PKD1L1: variants seen among roughly 807,000 people sequenced by gnomAD.
PKD1L1 encodes polycystin-1-like protein 1.
In PKD1L1, 236 loss-of-function variants were observed where a neutral mutation model predicts 323.4. That is an observed-to-expected ratio of 0.73 (90% CI 0.66 to 0.81). The LOEUF (loss-of-function observed/expected upper bound fraction) is 0.81, where lower values mean the gene tolerates loss of function less well. PKD1L1 is among the 40% of genes least tolerant of loss of function. The probability of loss-of-function intolerance (pLI) is 0.00; values close to 1 mark genes in which losing one functional copy is unlikely to be tolerated. For missense variants in PKD1L1, 3,320 were observed against 3,508.0 expected, an observed-to-expected ratio of 0.95 and a Z score of 1.35; for synonymous variants, 1,344 against 1,335.0, an observed-to-expected ratio of 1.01 and a Z score of -0.15.
intron 17 of PKD1L1, among the ~76,000 whole-genome samples, chr7:47,887,395 C>T (rs1305445420): frequency 2.6e-5 from 4 of 152,220 alleles, no homozygotes; most frequent in African/African-American, 7.2e-5. Context: ...AAATCAGTCT[C>T]GCTCCTGGTT....
At chr7:47,865,079 T>A (rs1384740201) in intron 26 of PKD1L1, 137 bp downstream of exon 26, 1 of 681,732 alleles carries the variant, frequency 1.5e-6, no homozygotes, top group Non-Finnish European at 2.4e-6. Context: ...GCTATTCAGA[T>A]GAATTCTTAA....
intron 49 of PKD1L1, among the ~76,000 whole-genome samples, 153 bp from the exon 50 acceptor site, chr7:47,812,204 GC>G: frequency 6.6e-6 from 1 of 152,184 alleles, no homozygotes. Flanking sequence ...AGGACAGATG[GC>G]CCTCTGTATC....
intron 56 of PKD1L1, among the ~76,000 whole-genome samples, chr7:47,791,207 C>T (rs987254031): frequency 6.6e-6 from 1 of 151,952 alleles, no homozygotes; most frequent in African/African-American, 2.4e-5. Context: ...TTATAGATAC[C>T]CTTTCCGTGT....
At chr7:47,877,468 G>A (rs1218149895) in intron 22 of PKD1L1, 21 bp downstream of exon 22, 1 of 1,612,910 alleles carries the variant, frequency 6.2e-7, no homozygotes, top group Non-Finnish European at 8.5e-7. Context: ...TCTCAGGACA[G>A]ACATGGGGTT....
At position 47,855,230 on chromosome 7, in the gene PKD1L1, G is replaced by T; in HGVS notation, c.4626C>A (p.Cys1542Ter). The change falls in exon 29 of 57, where the codon TGC becomes TGA. Residue 1542 changes from cysteine to a stop codon, truncating the protein, a stop_gained. Transcript: ENST00000289672. LOFTEE classifies it high-confidence loss of function. Reference sequence around the variant, plus strand: ...GCCTGTTGATGGGTCTTCTGCTGGAGCAGGTATAGAGGTTGAGGCCCACAA... The same window carrying T: ...GCCTGTTGATGGGTCTTCTGCTGGATCAGGTATAGAGGTTGAGGCCCACAA... The part of the protein sequence containing the change: ...GGVVGLNLYT[C>*]SSRRPINRQW... 6.2e-7 allele frequency: 1 copy of T among 1,614,156 alleles called. No individual in the cohort carries two copies.
Position 47,885,608 on chromosome 7 carries a change from C to T in PKD1L1, c.3205+78G>A, listed in dbSNP as rs1235736407. 14 of 1,522,230 alleles carry T rather than the reference C, an allele frequency of 9.2e-6. No homozygotes were observed. The South Asian group carries it at 1.7e-4, about 18-fold the overall frequency. 94.3% of individuals were successfully genotyped at this position (1,522,230 alleles called of 1,614,324 possible). A position where few individuals can be genotyped will look rare whatever the true frequency, so the allele number is the denominator to read the frequency against. The stretch of plus-strand genomic sequence containing the variant: ...CATGTTGATGTGATCTCACACCTTA[C>T]CCACCAGATTCACTGCTTCCAAAGG... On this transcript the variant is annotated intron_variant, in intron 18 of 56. Transcript: ENST00000289672.
At position 47,839,532 on chromosome 7, in the gene PKD1L1, C is replaced by A; in HGVS notation, c.5683G>T (p.Ala1895Ser). 1.2e-6 allele frequency: 2 copies of A among 1,611,282 alleles called. No homozygotes were observed. Among genetic ancestry groups the A allele is most frequent in the South Asian group, 1.1e-5 (1 of 90,124 alleles). ...LHTGQGWFFP[A>S]QCWLSAGRHD... is the part of the protein sequence containing the mutation. ...CTGCCGGCAGACAGCCAGCACTGGGCAGGGAAGAACCAGCCCTGTCCCGTG... is the reference window on the plus strand; with the variant it reads ...CTGCCGGCAGACAGCCAGCACTGGGAAGGGAAGAACCAGCCCTGTCCCGTG... Residue 1895 changes from alanine to serine, a missense_variant, in exon 36 of 57, where the codon GCC becomes TCC. Transcript: ENST00000289672. This position sits in a 1 kb window ranked among gnomAD's most constrained non-coding sequence, Gnocchi z 4.3.
chr7:47,897,064 A>T (rs1225904203), intron 14 of PKD1L1, among the ~76,000 whole-genome samples: 5 of 152,202 alleles, frequency 3.3e-5, no homozygotes, highest in Non-Finnish European at 5.9e-5. Flanking sequence ...GCCCATCGTT[A>T]CCTGCCTATT....
At chr7:47,874,325 C>T (rs886310769) in intron 23 of PKD1L1, among the ~76,000 whole-genome samples, 1 of 152,160 alleles carries the variant, frequency 6.6e-6, no homozygotes, top group Non-Finnish European at 1.5e-5. Flanking sequence ...GGAATTCCTT[C>T]ATGTAACAGG....
chr7:47,846,882 C>T lies in PKD1L1; in HGVS notation c.5150G>A (p.Cys1717Tyr), dbSNP rs756451582. The change falls in exon 32 of 57, where the codon TGC becomes TAC. Residue 1717 changes from cysteine to tyrosine, a missense_variant. Physicochemically the swap from Cys to Tyr is radical, Grantham distance 194. Coordinates refer to ENST00000289672, the MANE Select transcript of PKD1L1 (RefSeq NM_138295.5). ...QPGTSPEKVN[C>Y]SYHRLAAFAL... ...TCTTTCTCAAATGTGTCTATACCTGCAGTTCACTTTTTCAGGAGAAGTCCC... is the reference window on the plus strand; with the variant it reads ...TCTTTCTCAAATGTGTCTATACCTGTAGTTCACTTTTTCAGGAGAAGTCCC... 6.2e-7 allele frequency: 1 copy of T among 1,602,756 alleles called. No homozygotes were observed. Among genetic ancestry groups the T allele is most frequent in the Non-Finnish European group, 8.5e-7 (1 of 1,176,872 alleles).
At chr7:47,899,723 A>G (rs897713420) in intron 13 of PKD1L1, among the ~76,000 whole-genome samples, 6 of 152,074 alleles carry the variant, frequency 3.9e-5, no homozygotes, top group Admixed American at 1.3e-4. Context: ...TTGGGAGGCC[A>G]AGGTGGGCGG....
rs527261947 is a variant in PKD1L1 at position 47,804,554 on chromosome 7, C to T, written c.7828-1210G>A. ...GGATCTCGGCTCACTGCAACCTCCG[C>T]CTCCTGGTGAGTTCAAGCAATTCTC... On this transcript the variant is annotated intron_variant, in intron 52 of 56. Coordinates refer to ENST00000289672, the MANE Select transcript of PKD1L1 (RefSeq NM_138295.5). 7.9e-4 allele frequency among the ~76,000 whole-genome samples: 119 copies of T among 150,922 alleles called. 1 individual carries two copies. Among genetic ancestry groups the T allele is most frequent in the African/African-American group, 2.5e-3 (102 of 41,118 alleles).
intron 18 of PKD1L1, among the ~76,000 whole-genome samples, chr7:47,885,472 G>A (rs1047701068): frequency 6.6e-6 from 1 of 152,168 alleles, no homozygotes; most frequent in Non-Finnish European, 1.5e-5. Context: ...CTCAGAACCT[G>A]CCATGGGTTT....
At chr7:47,858,144 G>A (rs1785946408) in intron 27 of PKD1L1, among the ~76,000 whole-genome samples, 1 of 152,200 alleles carries the variant, frequency 6.6e-6, no homozygotes, top group Non-Finnish European at 1.5e-5. Flanking sequence ...TAAATTGGTA[G>A]AAGAGGAACG....
chr7:47,804,419 A>C lies in PKD1L1; in HGVS notation c.7828-1075T>G, dbSNP rs898440811. On this transcript the variant is annotated intron_variant, in intron 52 of 56. Transcript: ENST00000289672. ...ATGTAAAATCATAAAAAATAGCATC[A>C]TGTCAATATGTAACCAACATAAAAA... Among the ~76,000 whole-genome samples the C allele has an allele frequency of 2.6e-5, 4 of 151,842 alleles. No individual in the cohort carries two copies. In the East Asian group the frequency reaches 7.7e-4, roughly 29 times the overall value.
intron 24 of PKD1L1, among the ~76,000 whole-genome samples, chr7:47,871,359 T>TA (rs1459833897): frequency 6.6e-6 from 1 of 152,182 alleles, no homozygotes; most frequent in East Asian, 1.9e-4. Context: ...AAGACACTAA[T>TA]AGGCTCAGTG....
At position 47,906,025 on chromosome 7, in the gene PKD1L1, AACAC is replaced by A. The variant is rs1299546857; in HGVS notation, c.1403-67_1403-64del. ...TAAAATTAATTCACTTTTATCATGC[AACAC>A]ACAGTCAGTATTTTTCATTTTTAAC... On this transcript the variant is annotated intron_variant, in intron 9 of 56. Transcript: ENST00000289672. 4.0e-5 allele frequency: 57 copies of A among 1,426,264 alleles called. No homozygotes were observed. In the South Asian group the frequency reaches 7.5e-4, roughly 19 times the overall value. The allele number at this position is 1,426,264 out of a possible 1,614,324, so 88.4% of individuals were successfully genotyped here. A position where few individuals can be genotyped will look rare whatever the true frequency, so the allele number is the denominator to read the frequency against.
At chr7:47,915,179 G>A (rs1275470154) in intron 8 of PKD1L1, among the ~76,000 whole-genome samples, 1 of 152,200 alleles carries the variant, frequency 6.6e-6, no homozygotes, top group Non-Finnish European at 1.5e-5. Context: ...TCAGTCCCCA[G>A]AGGCGCGTGG....
intron 14 of PKD1L1, among the ~76,000 whole-genome samples, chr7:47,896,439 C>T (rs1159781076): frequency 1.3e-5 from 2 of 150,236 alleles, no homozygotes; most frequent in Non-Finnish European, 2.9e-5. Flanking sequence ...AGGGAGGGGG[C>T]GTAATGAGGC....
Sources: gnomAD v4.1 joint callset for allele counts (sites outside exome capture counted in the v4.1 genomes callset) on GRCh38, gnomAD v4.1.1 for gene constraint, Gnocchi (gnomAD v3.1) non-coding constraint, MANE v1.5 for transcripts, NCBI Gene and HGNC (gene_info 2026-07-23, HGNC 2026-07-21) for gene names.